USP31: variants seen among roughly 807,000 people sequenced by gnomAD.
The protein encoded by USP31 is ubiquitin carboxyl-terminal hydrolase 31.
A neutral mutation model predicts 119.4 loss-of-function variants in USP31; 44 were observed. That is an observed-to-expected ratio of 0.37 (90% CI 0.29 to 0.47). The LOEUF is 0.47. USP31 is among the 20% of genes least tolerant of loss of function. USP31 has a pLI of 0.99. For synonymous variants in USP31, 749 were observed against 705.6 expected (o/e 1.06, Z -0.97); for missense variants, 1,643 against 1,730.2 (o/e 0.95, Z 0.89).
At chr16:23,110,828 G>T (rs536499663) in intron 1 of USP31, among the ~76,000 whole-genome samples, 1 of 152,202 alleles carries the variant, frequency 6.6e-6, no homozygotes, top group South Asian at 2.1e-4. Flanking sequence ...TTATATATGG[G>T]AGTAAAGAGA....
intron 13 of USP31, among the ~76,000 whole-genome samples, chr16:23,078,816 G>A (rs1200796288): frequency 6.6e-6 from 1 of 152,044 alleles, no homozygotes; most frequent in Non-Finnish European, 1.5e-5. Flanking sequence ...AAAAACTTAA[G>A]AGAAAAACAC....
chr16:23,084,762 G>C (rs903846465), intron 11 of USP31, 98 bp downstream of exon 11: 1 of 1,516,710 alleles, frequency 6.6e-7, no homozygotes, highest in East Asian at 2.3e-5. Flanking sequence ...AAAATCCTGC[G>C]GCGACTTCTG....
intron 1 of USP31, among the ~76,000 whole-genome samples, chr16:23,148,351 G>A (rs968346220): frequency 6.6e-6 from 1 of 152,200 alleles, no homozygotes; most frequent in Non-Finnish European, 1.5e-5. Context: ...GTTCCATGAA[G>A]GCGGATAGTC....
chr16:23,105,400 T>C (rs1353568101), intron 5 of USP31, 41 bp downstream of exon 5: 3 of 1,516,730 alleles, frequency 2.0e-6, no homozygotes, highest in Non-Finnish European at 2.7e-6. Flanking sequence ...AAAGCAATAC[T>C]TTTGTGGCTC....
At chr16:23,090,589 T>G (rs1417874891) in intron 7 of USP31, 35 bp downstream of exon 7, 2 of 1,567,568 alleles carry the variant, frequency 1.3e-6, no homozygotes, top group East Asian at 4.5e-5. Context: ...ACTGTTACAG[T>G]CTAGGTACTT....
At position 23,100,195 on chromosome 16, in the gene USP31, A is replaced by G. The variant is rs74581687; in HGVS notation, c.1234+2124T>C. The stretch of plus-strand genomic sequence containing the variant: ...CCCAGGTATGAAGAGAAACGAAAAC[A>G]TAAGTCCACACAAAAACTTGTGTGG... On this transcript the variant is annotated intron_variant, in intron 6 of 15. Coordinates refer to ENST00000219689, the MANE Select transcript of USP31 (RefSeq NM_020718.4). Among the ~76,000 whole-genome samples, 499 of 152,348 alleles carry G rather than the reference A, an allele frequency of 3.3e-3. 1 individual carries two copies. Among genetic ancestry groups the G allele is most frequent in the African/African-American group, 0.011 (468 of 41,586 alleles).
Position 23,112,360 on chromosome 16 carries a change from C to T in USP31, c.634-4177G>A, listed in dbSNP as rs149782107. On this transcript the variant is annotated intron_variant, in intron 1 of 15. Transcript: ENST00000219689. Reference sequence around the variant, plus strand: ...TAGGGAGGCTGAGACAGGTGGATCACGTGAGGTCAAGAGTTCAAAACCAGC... The same window carrying T: ...TAGGGAGGCTGAGACAGGTGGATCATGTGAGGTCAAGAGTTCAAAACCAGC... 4.7e-3 allele frequency among the ~76,000 whole-genome samples: 720 copies of T among 152,216 alleles called. 4 individuals carry two copies. The highest frequency in any genetic ancestry group is 0.014 in the Middle Eastern group (4 of 294).
chr16:23,094,287 C>A (rs1425522539), intron 6 of USP31, among the ~76,000 whole-genome samples: 1 of 152,172 alleles, frequency 6.6e-6, no homozygotes, highest in African/African-American at 2.4e-5. Flanking sequence ...GGCAGCCTGG[C>A]TGGGGGAGGG....
chr16:23,139,305 G>A (rs1191928105), intron 1 of USP31, among the ~76,000 whole-genome samples: 3 of 152,160 alleles, frequency 2.0e-5, no homozygotes, highest in African/African-American at 4.8e-5. Context: ...AGGAGGCTGA[G>A]GCAGGAGAAT....
At chr16:23,077,153 A>G (rs1360415354) in intron 13 of USP31, among the ~76,000 whole-genome samples, 2 of 152,236 alleles carry the variant, frequency 1.3e-5, no homozygotes, top group Non-Finnish European at 2.9e-5. Context: ...AGCATCTTTC[A>G]AACTTCTCTA....
chr16:23,139,169 G>A (rs1416671047), intron 1 of USP31, among the ~76,000 whole-genome samples: 5 of 152,168 alleles, frequency 3.3e-5, no homozygotes, highest in Non-Finnish European at 5.9e-5. Context: ...TTGGGAGGCC[G>A]AGGCGGGTGG....
chr16:23,111,812 A>G (rs1254432603), intron 1 of USP31, among the ~76,000 whole-genome samples: 1 of 152,238 alleles, frequency 6.6e-6, no homozygotes, highest in Non-Finnish European at 1.5e-5. Context: ...AGCTTCATGA[A>G]GAAAAGGGTG....
At chr16:23,137,003 AG>A (rs1903213796) in intron 1 of USP31, among the ~76,000 whole-genome samples, 1 of 152,136 alleles carries the variant, frequency 6.6e-6, no homozygotes, top group Non-Finnish European at 1.5e-5. Context: ...ACTTGAGCCC[AG>A]GAGTTCAAGA....
chr16:23,102,213 C>G, intron 6 of USP31, 106 bp downstream of exon 6: 3 of 1,236,954 alleles, frequency 2.4e-6, no homozygotes, highest in Non-Finnish European at 3.2e-6. Flanking sequence ...TATTTTACCA[C>G]AATTTAAAAA....
intron 5 of USP31, among the ~76,000 whole-genome samples, chr16:23,103,770 C>A (rs555931372): frequency 1.3e-5 from 2 of 152,134 alleles, no homozygotes; most frequent in East Asian, 3.9e-4. Context: ...CAAAAATCAG[C>A]TGGGTGTGGT....
Position 23,064,559 on chromosome 16 carries a change from T to C in USP31, c.*3487A>G, listed in dbSNP as rs189346217. 1.3e-5 allele frequency: 2 copies of C among 152,104 alleles called. No individual in the cohort carries two copies. The highest frequency in any genetic ancestry group is 6.5e-5 in the Admixed American group (1 of 15,270). The allele number at this position is 152,104 out of a possible 1,614,324, so 9.4% of individuals were successfully genotyped here. A position where few individuals can be genotyped will look rare whatever the true frequency, so the allele number is the denominator to read the frequency against. Reference sequence around the variant, plus strand: ...GTAGAGACAGCTCAGTCTGAAAAGGTGGATGGAAGAGTAAAATGTCTCTAA... The same window carrying C: ...GTAGAGACAGCTCAGTCTGAAAAGGCGGATGGAAGAGTAAAATGTCTCTAA... On this transcript the variant is annotated 3_prime_UTR_variant, in exon 16 of 16. Coordinates refer to ENST00000219689, the MANE Select transcript of USP31 (RefSeq NM_020718.4).
chr16:23,148,729 T>C lies in USP31; in HGVS notation c.542A>G (p.Gln181Arg), dbSNP rs1567252223. 4 of 1,482,938 alleles carry C rather than the reference T, an allele frequency of 2.7e-6. No homozygotes were observed. Among genetic ancestry groups the C allele is most frequent in the Admixed American group, 2.5e-5 (1 of 39,314 alleles). The allele number at this position is 1,482,938 out of a possible 1,614,324, so 91.9% of individuals were successfully genotyped here. The change falls in exon 1 of 16, where the codon CAG becomes CGG. Residue 181 changes from glutamine (Q) to arginine (R), a missense_variant. Gln to Arg is a conservative substitution (Grantham distance 43). Transcript: ENST00000219689. Reference sequence around the variant, plus strand: ...CTGCTCAGTGACCTCGCCCTGGCCCTGCGCGCCGCGGCCCGCAGGCTGCTC... The same window carrying C: ...CTGCTCAGTGACCTCGCCCTGGCCCCGCGCGCCGCGGCCCGCAGGCTGCTC... ...DPEQPAGRGA[Q>R]GQGEVTEQLA...
At chr16:23,121,538 T>C (rs1487256578) in intron 1 of USP31, among the ~76,000 whole-genome samples, 1 of 152,174 alleles carries the variant, frequency 6.6e-6, no homozygotes, top group East Asian at 1.9e-4. Flanking sequence ...GCTAAATGGA[T>C]GAGTGTGTGA....
chr16:23,106,094 CAATCCCATTATT>C (rs777456982), intron 4 of USP31, 107 bp downstream of exon 4: 62 of 1,130,578 alleles, frequency 5.5e-5, no homozygotes, highest in Non-Finnish European at 7.6e-5. Context: ...TGACTGTATT[CAATCCCATTATT>C]AATCCCATTA....
Sources: allele counts gnomAD v4.1 joint callset (sites outside exome capture counted in the v4.1 genomes callset), GRCh38; gene constraint gnomAD v4.1.1; transcripts MANE v1.5; gene names NCBI Gene and HGNC (gene_info 2026-07-23, HGNC 2026-07-21).